Variants in GLE1 observed in about 807,000 individuals in gnomAD.
The protein encoded by GLE1 is mRNA export factor GLE1.
GLE1 carries 78 observed loss-of-function variants against 97.3 expected under a neutral mutation model. The observed-to-expected ratio is 0.80, with a 90% CI of 0.67 to 0.97. GLE1 has a LOEUF of 0.97. Ranked by LOEUF, GLE1 falls within the 50% of genes least tolerant of loss-of-function variation. GLE1 has a pLI of 0.00. For synonymous variants in GLE1, 302 were observed against 313.4 expected, an observed-to-expected ratio of 0.96 and a Z score of 0.39; for missense variants, 753 against 857.5, an observed-to-expected ratio of 0.88 and a Z score of 1.52.
chr9:128,518,660 G>A (rs548244121), intron 3 of GLE1, among the ~76,000 whole-genome samples: 1 of 151,964 alleles, frequency 6.6e-6, no homozygotes, highest in Non-Finnish European at 1.5e-5. Flanking sequence ...ACGAGGTCGG[G>A]AGTTCGAGAC....
chr9:128,539,594 C>A (rs1847827539), intron 13 of GLE1, 22 bp from the exon 14 acceptor site: 1 of 1,603,726 alleles, frequency 6.2e-7, no homozygotes, highest in Non-Finnish European at 8.5e-7. Context: ...TCTGCTCTGA[C>A]AGTGCCTGTC....
At position 128,525,323 on chromosome 9, in the gene GLE1, G is replaced by A; in HGVS notation, c.1029G>A (p.Glu343=). ...ACAAGAGGAGGCAGGATGAAGAAGA[G>A]GCCCAGGTAAAGCTGCAAGAGGCAC... ...CEDKRRQDEE[E]AQVKLQEAQM... The change falls in exon 7 of 16, where the codon GAG becomes GAA. Residue 343 remains glutamate, a synonymous_variant. Transcript: ENST00000309971. 6.2e-7 allele frequency: 1 copy of A among 1,614,070 alleles called. No homozygotes were observed. Among genetic ancestry groups the A allele is most frequent in the South Asian group, 1.1e-5 (1 of 91,072 alleles).
chr9:128,523,592 AT>A lies in GLE1; in HGVS notation c.645del (p.Leu216SerfsTer3). 1 of 1,614,032 alleles carries A rather than the reference AT, an allele frequency of 6.2e-7. No homozygotes were observed. The highest frequency in any genetic ancestry group is 8.5e-7 in the Non-Finnish European group (1 of 1,180,026). On this transcript the variant is annotated frameshift_variant and splice_region_variant, in exon 6 of 16. Transcript: ENST00000309971. LOFTEE classifies it high-confidence loss of function. ...GAAGTCACTCAGCCCTTTTCTACAG[AT>A]TCTCAACCTGAAGCTGCGGGAAGCA... is the stretch of plus-strand genomic sequence containing the variant. ...LKAEHRHRAK[I>X]LNLKLREAEQ...
Position 128,525,220 on chromosome 9 carries a change from C to CG in GLE1, c.926_927insG (p.Glu310Ter). 6.2e-7 allele frequency: 1 copy of CG among 1,614,002 alleles called. No homozygotes were observed. On this transcript the variant is annotated frameshift_variant, in exon 7 of 16. Coordinates refer to ENST00000309971, the MANE Select transcript of GLE1 (RefSeq NM_001003722.2). LOFTEE classifies it high-confidence loss of function. ...AGCTATCCCACAGCAGAGAGTCAAG[C>CG]TGAGGCTGAGCGAGCTCTGCGGGAA...
rs1589049365 is a variant in GLE1, at chr9:128,516,827, T to G, written c.432+1188T>G. Among the ~76,000 whole-genome samples, 7 of 150,170 alleles carry G rather than the reference T, an allele frequency of 4.7e-5. No homozygotes were observed. The South Asian group carries it at 1.5e-3, about 32-fold the overall frequency. Reference sequence around the variant, plus strand: ...TTTTAGTAGAGACGGGGTTTCACCGTGTTGGCCAGGCTGGTCTCAAACTCC... The same window carrying G: ...TTTTAGTAGAGACGGGGTTTCACCGGGTTGGCCAGGCTGGTCTCAAACTCC... On this transcript the variant is annotated intron_variant, in intron 3 of 15. Transcript: ENST00000309971.
intron 6 of GLE1, among the ~76,000 whole-genome samples, chr9:128,524,352 T>C (rs983292147): frequency 5.9e-5 from 9 of 151,960 alleles, no homozygotes; most frequent in South Asian, 4.1e-4. Context: ...ACTGCTGAGA[T>C]TACAGGTGTG....
Position 128,541,138 on chromosome 9 carries a change from G to A in GLE1, c.2065G>A (p.Gly689Ser). 6.3e-7 allele frequency: 1 copy of A among 1,595,012 alleles called. No homozygotes were observed. Residue 689 changes from glycine to serine, a missense_variant, in exon 16 of 16, where the codon GGC becomes AGC. Physicochemically the swap from Gly to Ser is moderately conservative, Grantham distance 56 (BLOSUM62 0). Coordinates refer to ENST00000309971, the MANE Select transcript of GLE1 (RefSeq NM_001003722.2). ...LQHKDIPVPK[G>S]FLTSSFWRS ...ACACAAGGACATTCCTGTCCCCAAG[G>A]GCTTTCTGACTTCCTCCTTCTGGCG...
rs373915964 is a variant in GLE1, at chr9:128,515,613, G to A, written c.406G>A (p.Glu136Lys). The change falls in exon 3 of 16, where the codon GAA becomes AAA. Residue 136 changes from glutamate to lysine, a missense_variant. Coordinates refer to ENST00000309971, the MANE Select transcript of GLE1 (RefSeq NM_001003722.2). ...AGTGGAAGGCTGCGTCCGAATGTACGAACTGGTACACAGAATGAAAGGAAC... is the reference window on the plus strand; with the variant it reads ...AGTGGAAGGCTGCGTCCGAATGTACAAACTGGTACACAGAATGAAAGGAAC... ...IKVEGCVRMY[E>K]LVHRMKGTEG... 1.0e-5 allele frequency: 16 copies of A among 1,588,924 alleles called. No individual in the cohort carries two copies. The highest frequency in any genetic ancestry group is 1.7e-4 in the Middle Eastern group (1 of 6,026).
chr9:128,538,492 T>A (rs1416747504), intron 13 of GLE1, among the ~76,000 whole-genome samples: 1 of 151,994 alleles, frequency 6.6e-6, no homozygotes, highest in African/African-American at 2.4e-5. Context: ...TGAAACCCTG[T>A]CTGTACTAAA....
intron 3 of GLE1, among the ~76,000 whole-genome samples, chr9:128,516,267 G>A (rs192253965): frequency 8.8e-4 from 132 of 150,840 alleles, no homozygotes; most frequent in Non-Finnish European, 1.5e-3. Flanking sequence ...CAGGACCTTA[G>A]CCTCTTGAAA....
rs1564162129 is a variant in GLE1 at position 128,541,151 on chromosome 9, C to T, written c.2078C>T (p.Ser693Phe). Residue 693 changes from serine (S) to phenylalanine (F), a missense_variant, in exon 16 of 16, where the codon TCC (serine) becomes TTC (phenylalanine). By Grantham distance (155) the Ser-to-Phe change is radical (BLOSUM62 -2). Coordinates refer to ENST00000309971, the MANE Select transcript of GLE1 (RefSeq NM_001003722.2). ...CCTGTCCCCAAGGGCTTTCTGACTT[C>T]CTCCTTCTGGCGCTCCTGATGTCAC... The part of the protein sequence containing the change: ...DIPVPKGFLT[S>F]SFWRS The T allele has an allele frequency of 1.3e-6, 2 of 1,583,880 alleles. No individual in the cohort carries two copies. The highest frequency in any genetic ancestry group is 1.7e-6 in the Non-Finnish European group (2 of 1,152,326).
At position 128,525,440 on chromosome 9, in the gene GLE1, A is replaced by G; in HGVS notation, c.1129+17A>G. 1 of 1,429,726 alleles carries G rather than the reference A, an allele frequency of 7.0e-7. No individual in the cohort carries two copies. Among genetic ancestry groups the G allele is most frequent in the Non-Finnish European group, 9.7e-7 (1 of 1,026,912 alleles). The allele number at this position is 1,429,726 out of a possible 1,614,324, so 88.6% of individuals were successfully genotyped here. A position where few individuals can be genotyped will look rare whatever the true frequency, so the allele number is the denominator to read the frequency against. On this transcript the variant is annotated intron_variant, in intron 7 of 15. Coordinates refer to ENST00000309971, the MANE Select transcript of GLE1 (RefSeq NM_001003722.2). ...AGAATGAAGGTGGGTTTCAGTATGG[A>G]TGTGGTCCTTTAACTCGTAAGTTTC... is the stretch of plus-strand genomic sequence containing the variant.
intron 2 of GLE1, among the ~76,000 whole-genome samples, chr9:128,511,093 A>C (rs960021865): frequency 6.6e-6 from 1 of 150,808 alleles, no homozygotes; most frequent in African/African-American, 2.4e-5. Flanking sequence ...AATCCCATCT[A>C]CTTGGGAGGC....
intron 2 of GLE1, among the ~76,000 whole-genome samples, chr9:128,514,781 C>T (rs905782390): frequency 6.6e-5 from 10 of 151,976 alleles, no homozygotes; most frequent in African/African-American, 1.7e-4. Context: ...CCTTGTAATC[C>T]GCCCACCACA....
At chr9:128,534,667 A>T (rs536746246) in intron 11 of GLE1, among the ~76,000 whole-genome samples, 1 of 152,228 alleles carries the variant, frequency 6.6e-6, no homozygotes, top group Non-Finnish European at 1.5e-5. Flanking sequence ...CTTGGTAAAC[A>T]AAGTATTCTA....
intron 3 of GLE1, among the ~76,000 whole-genome samples, chr9:128,521,633 C>T (rs1847155911): frequency 6.6e-6 from 1 of 152,176 alleles, no homozygotes; most frequent in South Asian, 2.1e-4. Flanking sequence ...TGCTAGCTGG[C>T]ATCTCGTCAT....
chr9:128,535,151 G>T (rs1285059465), intron 11 of GLE1, among the ~76,000 whole-genome samples: 2 of 152,138 alleles, frequency 1.3e-5, no homozygotes, highest in Non-Finnish European at 2.9e-5. Flanking sequence ...TGAAGCAGAA[G>T]GATCGCTTGA....
intron 9 of GLE1, among the ~76,000 whole-genome samples, chr9:128,527,818 G>A (rs1468043505): frequency 1.3e-5 from 2 of 151,358 alleles, no homozygotes; most frequent in African/African-American, 4.8e-5. Flanking sequence ...ACAAATACTA[G>A]CTGGGTGTGG....
intron 9 of GLE1, among the ~76,000 whole-genome samples, chr9:128,528,690 A>T (rs774608014): frequency 1.3e-5 from 2 of 152,220 alleles, no homozygotes; most frequent in Admixed American, 6.6e-5. Context: ...TGCTGAAAAC[A>T]TCACTCAGGG....
Sources: gnomAD v4.1 joint callset for allele counts (sites outside exome capture counted in the v4.1 genomes callset) on GRCh38, gnomAD v4.1.1 for gene constraint, MANE v1.5 for transcripts, NCBI Gene and HGNC (gene_info 2026-07-23, HGNC 2026-07-21) for gene names.